Variants in LURAP1L observed in about 807,000 individuals in gnomAD.
The protein encoded by LURAP1L is leucine rich adaptor protein 1 like, also known as leucine rich adaptor protein 1-like.
A neutral mutation model predicts 13.8 loss-of-function variants in LURAP1L; 12 were observed. That is an observed-to-expected ratio of 0.87 (90% CI 0.56 to 1.41). LURAP1L has a LOEUF of 1.41. LURAP1L is among the 40% of genes most tolerant of loss of function. The pLI, the probability that LURAP1L is intolerant of heterozygous loss-of-function variation, is 0.00. For missense variants in LURAP1L, 375 were observed against 292.9 expected (o/e 1.28, Z -2.04); for synonymous variants, 139 against 119.2 (o/e 1.17, Z -1.08).
At chr9:12,776,512 C>T (rs1414662506) in intron 1 of LURAP1L, among the ~76,000 whole-genome samples, 1 of 152,020 alleles carries the variant, frequency 6.6e-6, no homozygotes, top group African/African-American at 2.4e-5. Context: ...TTCCTCCTAG[C>T]TCACCCTTCC....
At chr9:12,784,963 C>T (rs946526273) in intron 1 of LURAP1L, among the ~76,000 whole-genome samples, 3 of 151,844 alleles carry the variant, frequency 2.0e-5, no homozygotes, top group Non-Finnish European at 4.4e-5. Flanking sequence ...CTCTTATTTC[C>T]TCAAGCAGAA....
rs1490249925 is a variant in LURAP1L at position 12,821,406 on chromosome 9, C to G, written c.333C>G (p.Asp111Glu). The G allele has an allele frequency of 1.9e-6, 3 of 1,613,886 alleles. No homozygotes were observed. The highest frequency in any genetic ancestry group is 8.5e-7 in the Non-Finnish European group (1 of 1,179,828). Reference protein sequence around the residue: ...RQEMVNLRATDVRLMRQLLVI... With the variant: ...RQEMVNLRATEVRLMRQLLVI... ...CATAGGTTAACCTCAGAGCCACAGA[C>G]GTCAGGCTCATGCGCCAGTTGCTTG... The change falls in exon 2 of 2, where the codon GAC (aspartate) becomes GAG (glutamate). Residue 111 changes from aspartate (D) to glutamate (E), a missense_variant. Asp to Glu is a conservative substitution (Grantham distance 45, BLOSUM62 2). Transcript: ENST00000319264.
rs113432218 is a variant in LURAP1L, at chr9:12,816,021, C to A, written c.313-5365C>A. 2.0e-5 allele frequency among the ~76,000 whole-genome samples: 3 copies of A among 152,266 alleles called. 1 individual carries two copies. The highest frequency in any genetic ancestry group is 7.2e-5 in the African/African-American group (3 of 41,558). On this transcript the variant is annotated intron_variant, in intron 1 of 1. Transcript: ENST00000319264. ...GAGTTACTGAGCAGCAGAATTGATT[C>A]TTCTGTCTCCTCTATAGCCTGAATA... is the stretch of plus-strand genomic sequence containing the variant.
At chr9:12,782,474 G>A (rs183014595) in intron 1 of LURAP1L, among the ~76,000 whole-genome samples, 34 of 152,302 alleles carry the variant, frequency 2.2e-4, no homozygotes, top group African/African-American at 6.7e-4. Context: ...AGTTTTGGCA[G>A]TACCATTTAT....
rs753698099 is a variant in LURAP1L at position 12,814,644 on chromosome 9, C to T, written c.313-6742C>T. Among the ~76,000 whole-genome samples, 74 of 152,104 alleles carry T rather than the reference C, an allele frequency of 4.9e-4. 1 individual carries two copies. The highest frequency in any genetic ancestry group is 8.1e-4 in the Non-Finnish European group (55 of 68,008). On this transcript the variant is annotated intron_variant, in intron 1 of 1. Transcript: ENST00000319264. ...AGATCTCACGAGCAGGCCTGGTGGCCGGAATTTATGCTTATGATTCACAGG... is the reference window on the plus strand; with the variant it reads ...AGATCTCACGAGCAGGCCTGGTGGCTGGAATTTATGCTTATGATTCACAGG...
At chr9:12,799,191 T>C (rs903851193) in intron 1 of LURAP1L, among the ~76,000 whole-genome samples, 1 of 152,208 alleles carries the variant, frequency 6.6e-6, no homozygotes, top group Non-Finnish European at 1.5e-5. Context: ...TCATCAAGCT[T>C]GTGTCCACAT....
intron 1 of LURAP1L, among the ~76,000 whole-genome samples, chr9:12,779,642 G>T (rs1819242558): frequency 6.6e-6 from 1 of 152,120 alleles, no homozygotes; most frequent in African/African-American, 2.4e-5. Flanking sequence ...GGTTTATTGA[G>T]CTAATGCTGA....
chr9:12,804,298 TCAG>T (rs1382455392), intron 1 of LURAP1L, among the ~76,000 whole-genome samples: 2 of 152,060 alleles, frequency 1.3e-5, no homozygotes, highest in African/African-American at 4.8e-5. Flanking sequence ...TACATTTGCA[TCAG>T]TTCTAATAAG....
intron 1 of LURAP1L, among the ~76,000 whole-genome samples, chr9:12,801,781 G>T (rs578051242): frequency 6.6e-6 from 1 of 152,154 alleles, no homozygotes; most frequent in African/African-American, 2.4e-5. Context: ...AAACACAAGA[G>T]GAAGAACATA....
rs1307553451 is a variant in LURAP1L at position 12,821,385 on chromosome 9, G to A, written c.313-1G>A. The A allele has an allele frequency of 2.5e-6, 4 of 1,611,828 alleles. No homozygotes were observed. Among genetic ancestry groups the A allele is most frequent in the Non-Finnish European group, 3.4e-6 (4 of 1,178,310 alleles). ...TATCTTTCTTCTCTCTTTGTCCATA[G>A]GTTAACCTCAGAGCCACAGACGTCA... On this transcript the variant is annotated splice_acceptor_variant, in intron 1 of 1. Transcript: ENST00000319264. LOFTEE classifies it high-confidence loss of function.
At chr9:12,802,246 T>C (rs1819597196) in intron 1 of LURAP1L, among the ~76,000 whole-genome samples, 1 of 152,162 alleles carries the variant, frequency 6.6e-6, no homozygotes, top group Non-Finnish European at 1.5e-5. Context: ...TCAAAATCAG[T>C]GATATGGTTT....
At chr9:12,789,081 G>A (rs1819404058) in intron 1 of LURAP1L, among the ~76,000 whole-genome samples, 1 of 132,368 alleles carries the variant, frequency 7.6e-6, no homozygotes, top group African/African-American at 3.3e-5. Flanking sequence ...GCCTCCCCCA[G>A]CACCCCCCCA....
In LURAP1L at chr9:12,821,827, T is replaced by A; in HGVS notation, c.*67T>A. On this transcript the variant is annotated 3_prime_UTR_variant, in exon 2 of 2. Coordinates refer to ENST00000319264, the MANE Select transcript of LURAP1L (RefSeq NM_203403.2). ...TTTATCCTTCTTCTCCGCTGCTATA[T>A]TTTTGGTGTGATTTTTATTTTAATA... 6.6e-7 allele frequency: 1 copy of A among 1,511,834 alleles called. No individual in the cohort carries two copies. Among genetic ancestry groups the A allele is most frequent in the South Asian group, 1.3e-5 (1 of 76,566 alleles). 93.7% of individuals were successfully genotyped at this position (1,511,834 alleles called of 1,614,324 possible). A position where few individuals can be genotyped will look rare whatever the true frequency, so the allele number is the denominator to read the frequency against.
chr9:12,788,148 G>GAAGAAAGAAAGAAAGAAACAAAGAAAGA (rs1819385176), intron 1 of LURAP1L, among the ~76,000 whole-genome samples: 1 of 117,330 alleles, frequency 8.5e-6, no homozygotes, highest in Non-Finnish European at 1.7e-5. Context: ...GAAAGAGAAA[G>GAAGAAAGAAAGAAAGAAACAAAGAAAGA]AAGAAAGAAA....
At chr9:12,804,462 G>T (rs1819628806) in intron 1 of LURAP1L, among the ~76,000 whole-genome samples, 1 of 151,420 alleles carries the variant, frequency 6.6e-6, no homozygotes, top group African/African-American at 2.4e-5. Context: ...CTTACCTAAG[G>T]CTTCCCAGTA....
chr9:12,794,327 G>A (rs904010733), intron 1 of LURAP1L, among the ~76,000 whole-genome samples: 6 of 151,894 alleles, frequency 4.0e-5, no homozygotes, highest in Admixed American at 1.3e-4. Context: ...AAGACAAATG[G>A]ATTCTATTTG....
chr9:12,780,425 C>G (rs1586873811), intron 1 of LURAP1L, among the ~76,000 whole-genome samples: 1 of 152,140 alleles, frequency 6.6e-6, no homozygotes, highest in East Asian at 1.9e-4. Flanking sequence ...TAAATTAAAC[C>G]TGAATTATTC....
At chr9:12,788,951 C>T (rs13287830) in intron 1 of LURAP1L, among the ~76,000 whole-genome samples, 5,837 of 150,844 alleles carry the variant, frequency 0.039, 155 homozygotes, top group Middle Eastern at 0.13. Flanking sequence ...GCCTTAGTCC[C>T]AGCTTCTCAG....
At chr9:12,803,897 C>A (rs1384573900) in intron 1 of LURAP1L, among the ~76,000 whole-genome samples, 2 of 152,120 alleles carry the variant, frequency 1.3e-5, no homozygotes, top group African/African-American at 4.8e-5. Flanking sequence ...ATGTAAACAG[C>A]TACATGAAAT....
Sources: allele counts gnomAD v4.1 joint callset (sites outside exome capture counted in the v4.1 genomes callset), GRCh38; gene constraint gnomAD v4.1.1; transcripts MANE v1.5; gene names NCBI Gene and HGNC (gene_info 2026-07-23, HGNC 2026-07-21).